PCBP3: variants seen among roughly 807,000 people sequenced by gnomAD.
PCBP3 encodes the protein poly(rC)-binding protein 3.
PCBP3 carries 25 observed loss-of-function variants against 52.7 expected under a neutral mutation model. The observed-to-expected ratio is 0.47, with a 90% CI of 0.35 to 0.66. The LOEUF (loss-of-function observed/expected upper bound fraction) is 0.66. PCBP3 is among the 30% of genes least tolerant of loss of function. PCBP3 has a pLI of 0.01. For missense variants in PCBP3, 391 were observed against 490.3 expected (o/e 0.80, Z 1.91); for synonymous variants, 162 against 183.0 (o/e 0.89, Z 0.93).
At chr21:45,843,830 A>G (rs1158489800) in intron 4 of PCBP3, among the ~76,000 whole-genome samples, 4 of 152,090 alleles carry the variant, frequency 2.6e-5, no homozygotes, top group Non-Finnish European at 4.4e-5. Flanking sequence ...AGAATGTGTT[A>G]CCTCTGCTTG....
At chr21:45,795,887 C>G (rs2091897264) in intron 4 of PCBP3, among the ~76,000 whole-genome samples, 1 of 152,230 alleles carries the variant, frequency 6.6e-6, no homozygotes, top group South Asian at 2.1e-4. Flanking sequence ...ATAGATACCA[C>G]TGCAGGTAGG....
At chr21:45,708,184 T>G (rs2083581590) in intron 2 of PCBP3, among the ~76,000 whole-genome samples, 1 of 152,170 alleles carries the variant, frequency 6.6e-6, no homozygotes, top group Admixed American at 6.5e-5. Flanking sequence ...AAGGAGGATG[T>G]TTGGGATCAC....
At chr21:45,843,049 A>C (rs2093730547) in intron 4 of PCBP3, among the ~76,000 whole-genome samples, 1 of 145,788 alleles carries the variant, frequency 6.9e-6, no homozygotes, top group Non-Finnish European at 1.5e-5. Context: ...AAGCACAAAC[A>C]AAACGAACAA....
At chr21:45,806,170 G>A (rs1169016575) in intron 4 of PCBP3, among the ~76,000 whole-genome samples, 1 of 152,236 alleles carries the variant, frequency 6.6e-6, no homozygotes, top group African/African-American at 2.4e-5. Context: ...CCCGGCTGCA[G>A]AATCGCAGAA....
chr21:45,807,764 A>C (rs76404214), intron 4 of PCBP3, among the ~76,000 whole-genome samples: 1,544 of 152,184 alleles, frequency 0.01, 30 homozygotes, highest in African/African-American at 0.035. Flanking sequence ...CAAAACAAAA[A>C]AAAAACCTGG....
intron 5 of PCBP3, among the ~76,000 whole-genome samples, chr21:45,887,428 C>T (rs1050897439): frequency 4.6e-5 from 7 of 152,230 alleles, no homozygotes; most frequent in African/African-American, 1.7e-4. Context: ...GCCCTCCAGC[C>T]TCTCCAGCAT....
intron 2 of PCBP3, among the ~76,000 whole-genome samples, chr21:45,713,225 T>C (rs1165780499): frequency 3.3e-5 from 5 of 152,242 alleles, no homozygotes; most frequent in East Asian, 1.9e-4. Context: ...TGTCCGTTTA[T>C]CTTCCAGATA....
chr21:45,671,016 G>A (rs1169713827), intron 2 of PCBP3, among the ~76,000 whole-genome samples: 1 of 152,154 alleles, frequency 6.6e-6, no homozygotes, highest in Non-Finnish European at 1.5e-5. Flanking sequence ...ATGCTTCTCA[G>A]CCATGTTGGC....
chr21:45,751,058 C>A (rs1249119010), intron 3 of PCBP3: 1 of 152,186 alleles, frequency 6.6e-6, no homozygotes, highest in Non-Finnish European at 1.5e-5. Flanking sequence ...CACATCTCTT[C>A]CCAGCTCTGT....
intron 14 of PCBP3, 116 bp downstream of exon 14, chr21:45,930,111 G>A (rs780850346): frequency 4.1e-5 from 28 of 688,814 alleles, no homozygotes; most frequent in African/African-American, 7.3e-5. Context: ...TGTGAGTGCC[G>A]GTGCTGCGGC....
intron 2 of PCBP3, among the ~76,000 whole-genome samples, chr21:45,705,662 C>T (rs1322873373): frequency 1.3e-5 from 2 of 152,190 alleles, no homozygotes; most frequent in Non-Finnish European, 2.9e-5. Context: ...ATCAGGGATC[C>T]GTGGATGTTT....
intron 5 of PCBP3, among the ~76,000 whole-genome samples, chr21:45,873,752 A>G (rs2095132957): frequency 6.6e-6 from 1 of 151,940 alleles, no homozygotes; most frequent in Non-Finnish European, 1.5e-5. Context: ...GAATTATTCC[A>G]TGGTCTACAT....
chr21:45,845,107 C>T (rs1005735559), intron 4 of PCBP3, among the ~76,000 whole-genome samples: 8 of 152,256 alleles, frequency 5.3e-5, no homozygotes, highest in Non-Finnish European at 7.4e-5. Flanking sequence ...AGTCCACCTC[C>T]GGAGGGGTCA....
At chr21:45,874,116 C>T (rs2059536983) in intron 5 of PCBP3, among the ~76,000 whole-genome samples, 1 of 152,258 alleles carries the variant, frequency 6.6e-6, no homozygotes, top group Admixed American at 6.5e-5. Flanking sequence ...GCGTGAGCCA[C>T]CGCGCCCGGC....
Position 45,724,508 on chromosome 21 carries a change from G to A in PCBP3, c.-199-10884G>A, listed in dbSNP as rs1044879565. On this transcript the variant is annotated intron_variant, in intron 2 of 17. Coordinates refer to ENST00000681687, the MANE Select transcript of PCBP3 (RefSeq NM_001384156.1). The surrounding 1 kb of genome is among the most constrained non-coding windows in gnomAD (Gnocchi z 5.3). ...AGTCCCAGCCCTGCCCCTGCCAAGC[G>A]AGGTGGGGACAGCTGGGAATCTCGC... Among the ~76,000 whole-genome samples, 4 of 152,204 alleles carry A rather than the reference G, an allele frequency of 2.6e-5. No homozygotes were observed. The highest frequency in any genetic ancestry group is 5.9e-5 in the Non-Finnish European group (4 of 68,032).
chr21:45,801,385 G>C (rs1322027775), intron 4 of PCBP3, among the ~76,000 whole-genome samples: 1 of 152,268 alleles, frequency 6.6e-6, no homozygotes, highest in Non-Finnish European at 1.5e-5. Context: ...CCTGCTGGCT[G>C]CAGGGCCCCT....
At chr21:45,707,143 T>C (rs1311516959) in intron 2 of PCBP3, among the ~76,000 whole-genome samples, 2 of 152,122 alleles carry the variant, frequency 1.3e-5, no homozygotes, top group Non-Finnish European at 1.5e-5. Flanking sequence ...AGCCTTGAAA[T>C]TGGAATACTT....
At chr21:45,823,513 G>A (rs557513662) in intron 4 of PCBP3, among the ~76,000 whole-genome samples, 14 of 152,176 alleles carry the variant, frequency 9.2e-5, no homozygotes, top group South Asian at 2.1e-4. Flanking sequence ...AGAACCACGC[G>A]TGTCCGTTCT....
At chr21:45,796,701 A>G (rs895088270) in intron 4 of PCBP3, among the ~76,000 whole-genome samples, 3 of 152,194 alleles carry the variant, frequency 2.0e-5, no homozygotes, top group African/African-American at 4.8e-5. Flanking sequence ...CTTTTAGGCA[A>G]TTAACAAATA....
Sources: gnomAD v4.1 joint callset for allele counts (sites outside exome capture counted in the v4.1 genomes callset) on GRCh38, gnomAD v4.1.1 for gene constraint, Gnocchi (gnomAD v3.1) non-coding constraint, MANE v1.5 for transcripts, NCBI Gene and HGNC (gene_info 2026-07-23, HGNC 2026-07-21) for gene names.